Variants in ASTN2 observed in about 807,000 individuals in gnomAD.
The protein encoded by ASTN2 is astrotactin 2, also known as astrotactin-2.
Under a neutral mutation model 139.8 loss-of-function variants are expected in ASTN2, and 54 were observed. The ratio of observed to expected loss-of-function variants is 0.39; its 90% CI spans 0.31 to 0.48. ASTN2 has a LOEUF of 0.48. Among genes scored for constraint, ASTN2 ranks in the 20% least tolerant of loss-of-function variants. ASTN2 has a pLI of 0.95. For missense variants in ASTN2, 1,565 were observed against 1,725.1 expected (o/e 0.91, Z 1.64); for synonymous variants, 756 against 719.5 (o/e 1.05, Z -0.81).
rs532775436 is a variant in ASTN2, at chr9:116,600,943, G to C, written c.3355+17381C>G. On this transcript the variant is annotated intron_variant, in intron 19 of 22. Transcript: ENST00000313400. ...TTACTATGTGCCTGGCAATGTACTAGGCACTGGGGATAGGGTGATTAAAAA... is the reference window on the plus strand; with the variant it reads ...TTACTATGTGCCTGGCAATGTACTACGCACTGGGGATAGGGTGATTAAAAA... Among the ~76,000 whole-genome samples, 25 of 152,122 alleles carry C rather than the reference G, an allele frequency of 1.6e-4. 1 individual carries two copies. In the South Asian group the frequency reaches 5.2e-3, roughly 32 times the overall value.
At chr9:116,623,300 G>C (rs1471521527) in intron 17 of ASTN2, among the ~76,000 whole-genome samples, 1 of 152,030 alleles carries the variant, frequency 6.6e-6, no homozygotes, top group Non-Finnish European at 1.5e-5. Flanking sequence ...CAGTTCTTGG[G>C]AAGAAATCCT....
chr9:116,802,653 C>G (rs537870433), intron 13 of ASTN2, among the ~76,000 whole-genome samples: 6 of 152,212 alleles, frequency 3.9e-5, no homozygotes, highest in African/African-American at 1.4e-4. Flanking sequence ...GCCAGCCACT[C>G]TGAGAGCTGC....
intron 10 of ASTN2, among the ~76,000 whole-genome samples, chr9:116,913,707 G>A (rs1215769449): frequency 6.6e-6 from 1 of 152,086 alleles, no homozygotes; most frequent in Admixed American, 6.6e-5. Flanking sequence ...ACACATGCTG[G>A]GTTTCTGCAT....
intron 1 of ASTN2, among the ~76,000 whole-genome samples, chr9:117,340,132 C>T (rs1829018636): frequency 1.3e-5 from 2 of 151,692 alleles, no homozygotes; most frequent in Non-Finnish European, 2.9e-5. Flanking sequence ...CAAGACCAGC[C>T]TAGCCAACCT....
intron 16 of ASTN2, among the ~76,000 whole-genome samples, chr9:116,705,140 C>T (rs1827959113): frequency 1.3e-5 from 2 of 152,210 alleles, no homozygotes; most frequent in South Asian, 4.1e-4. Context: ...AGTCCTGTTT[C>T]CCTCAATTAT....
At chr9:117,112,388 T>A (rs553108768) in intron 4 of ASTN2, among the ~76,000 whole-genome samples, 80 of 152,236 alleles carry the variant, frequency 5.3e-4, no homozygotes, top group African/African-American at 1.7e-3. Flanking sequence ...GTTTTTAAGA[T>A]CTATTATAAA....
chr9:117,109,861 T>C (rs557061008), intron 4 of ASTN2, among the ~76,000 whole-genome samples: 3 of 152,212 alleles, frequency 2.0e-5, no homozygotes, highest in Non-Finnish European at 4.4e-5. Context: ...CTAAATTGTT[T>C]CACCTTTTTG....
chr9:117,392,790 G>A (rs947471902), intron 1 of ASTN2, among the ~76,000 whole-genome samples: 12 of 152,224 alleles, frequency 7.9e-5, no homozygotes, highest in African/African-American at 2.9e-4. Flanking sequence ...AAGGCTTTAA[G>A]AAAGAGCTGG....
chr9:116,986,958 G>A (rs888993891), intron 7 of ASTN2, among the ~76,000 whole-genome samples: 1 of 152,192 alleles, frequency 6.6e-6, no homozygotes, highest in African/African-American at 2.4e-5. Context: ...CAGCCAGAAG[G>A]CTTAATGTGC....
intron 22 of ASTN2, among the ~76,000 whole-genome samples, chr9:116,429,301 T>C (rs1218816301): frequency 1.5e-5 from 2 of 135,998 alleles, no homozygotes; most frequent in African/African-American, 5.6e-5. Flanking sequence ...ATCGTGCCAT[T>C]GCACTCCAGC....
At chr9:116,432,331 A>G (rs967780486) in intron 22 of ASTN2, among the ~76,000 whole-genome samples, 1 of 152,158 alleles carries the variant, frequency 6.6e-6, no homozygotes, top group African/African-American at 2.4e-5. Context: ...GGAGATCCAT[A>G]TCACATTTTT....
Position 116,532,925 on chromosome 9 carries a change from G to A in ASTN2, c.3356-45425C>T, listed in dbSNP as rs1851422948. Among the ~76,000 whole-genome samples the A allele has an allele frequency of 2.0e-5, 3 of 152,254 alleles. No homozygotes were observed. The South Asian group carries it at 6.2e-4, about 32-fold the overall frequency. On this transcript the variant is annotated intron_variant, in intron 19 of 22. Coordinates refer to ENST00000313400, the MANE Select transcript of ASTN2 (RefSeq NM_001365068.1). The stretch of plus-strand genomic sequence containing the variant: ...AGTCATTGGTAGCTTGCTGGGGATG[G>A]CACTGAATCTATAAATTACCTTGGG...
intron 19 of ASTN2, among the ~76,000 whole-genome samples, chr9:116,590,451 A>G (rs1854334225): frequency 6.6e-6 from 1 of 152,220 alleles, no homozygotes; most frequent in Non-Finnish European, 1.5e-5. Context: ...TTGGGTGCCA[A>G]TAAGCACGGG....
chr9:117,010,015 A>G (rs991901233), intron 6 of ASTN2, among the ~76,000 whole-genome samples: 2 of 152,182 alleles, frequency 1.3e-5, no homozygotes, highest in East Asian at 1.9e-4. Flanking sequence ...CTGTCATCCT[A>G]TGCAATAAAT....
intron 1 of ASTN2, among the ~76,000 whole-genome samples, chr9:117,298,653 T>G (rs1231737654): frequency 8.2e-6 from 1 of 121,706 alleles, no homozygotes; most frequent in African/African-American, 3.0e-5. Flanking sequence ...TGTCTTGGTG[T>G]GTGTATATAT....
chr9:117,152,111 G>A (rs1455694749), intron 3 of ASTN2, among the ~76,000 whole-genome samples: 2 of 151,986 alleles, frequency 1.3e-5, no homozygotes, highest in East Asian at 1.9e-4. Flanking sequence ...AGAATTGTGG[G>A]GTTTCTTCTT....
At chr9:117,202,798 A>C (rs943410298) in intron 3 of ASTN2, among the ~76,000 whole-genome samples, 35 of 151,966 alleles carry the variant, frequency 2.3e-4, no homozygotes, top group African/African-American at 7.5e-4. Flanking sequence ...GGAAAATCTG[A>C]TGATTATGTG....
chr9:116,425,953 T>C lies in ASTN2; in HGVS notation c.3918A>G (p.Ala1306=), dbSNP rs1191414403. The stretch of plus-strand genomic sequence containing the variant: ...TGAGGATGCTATACCACACCATGCC[T>C]GCAGGCCGGACCTCCTCGCTGCGGC... ...LFCRSEEVRP[A]GMVWYSILKD... Residue 1306 remains alanine (A), a synonymous_variant, in exon 23 of 23, where the codon GCA becomes GCG. Transcript: ENST00000313400. The C allele has an allele frequency of 6.2e-7, 1 of 1,614,174 alleles. No individual in the cohort carries two copies. The highest frequency in any genetic ancestry group is 1.7e-5 in the Admixed American group (1 of 60,022).
At chr9:117,169,208 GAA>G (rs5900272) in intron 3 of ASTN2, among the ~76,000 whole-genome samples, 2,678 of 150,230 alleles carry the variant, frequency 0.018, 21 homozygotes, top group African/African-American at 0.033. Context: ...AGAAGAAAAA[GAA>G]AAAAAAAAAA....
Sources: allele counts gnomAD v4.1 joint callset (sites outside exome capture counted in the v4.1 genomes callset), GRCh38; gene constraint gnomAD v4.1.1; transcripts MANE v1.5; gene names NCBI Gene and HGNC (gene_info 2026-07-23, HGNC 2026-07-21).